The following KHDRBS2 variants were observed in gnomAD, a reference collection of about 807,000 sequenced individuals.
The protein encoded by KHDRBS2 is KH RNA binding domain containing, signal transduction associated 2, also known as KH domain-containing, RNA-binding, signal transduction-associated protein 2.
In KHDRBS2, 26 loss-of-function variants were observed where a neutral mutation model predicts 44.3. The observed-to-expected ratio is 0.59, with a 90% confidence interval of 0.43 to 0.81. The LOEUF (loss-of-function observed/expected upper bound fraction) is 0.81. KHDRBS2 is among the 40% of genes least tolerant of loss of function. The pLI is 0.00. For missense variants in KHDRBS2, 476 were observed against 433.1 expected (o/e 1.10, Z -0.88); for synonymous variants, 194 against 151.1 (o/e 1.28, Z -2.08).
At chr6:61,565,603 T>C in the KHDRBS2 span, among the ~76,000 whole-genome samples, 1 of 151,868 alleles carries the variant, frequency 6.6e-6, no homozygotes, top group African/African-American at 2.4e-5. Context: ...TGCAAATCAA[T>C]CCACAATGAG....
At chr6:62,092,121 T>G (rs1378035229) in intron 2 of KHDRBS2, among the ~76,000 whole-genome samples, 1 of 152,028 alleles carries the variant, frequency 6.6e-6, no homozygotes, top group African/African-American at 2.4e-5. Flanking sequence ...GTCTCCAGTT[T>G]TTTTTTTTAA....
chr6:61,883,926 T>G (rs763356439), intron 6 of KHDRBS2, among the ~76,000 whole-genome samples: 5 of 152,178 alleles, frequency 3.3e-5, no homozygotes, highest in Middle Eastern at 3.4e-3. Context: ...AAAATCTGCT[T>G]TCTTTGGGTA....
At chr6:61,782,726 TATATATATATATAC>T (rs1407705263) in intron 6 of KHDRBS2, among the ~76,000 whole-genome samples, 21 of 100,600 alleles carry the variant, frequency 2.1e-4, no homozygotes, top group African/African-American at 7.0e-4. Flanking sequence ...TATATATATA[TATATATATATATAC>T]ACACACACAT....
At chr6:61,955,037 C>A (rs1412702872) in intron 4 of KHDRBS2, among the ~76,000 whole-genome samples, 1 of 142,930 alleles carries the variant, frequency 7.0e-6, no homozygotes, top group African/African-American at 2.6e-5. Flanking sequence ...TATATACATA[C>A]ATGTATGTAT....
chr6:61,568,174 T>C, the KHDRBS2 span, among the ~76,000 whole-genome samples: 1 of 152,176 alleles, frequency 6.6e-6, no homozygotes, highest in East Asian at 1.9e-4. Context: ...ATTTCTGGGT[T>C]CTCTAATCTG....
Position 61,917,607 on chromosome 6 carries a change from T to C in KHDRBS2, c.484-16236A>G, listed in dbSNP as rs113430868. ...GCCCAAACCCAAAGAATGTACAACA[T>C]TCACAATAAGCCCTAATGTAAACTA... is the stretch of plus-strand genomic sequence containing the variant. On this transcript the variant is annotated intron_variant, in intron 4 of 8. Coordinates refer to ENST00000281156, the MANE Select transcript of KHDRBS2 (RefSeq NM_152688.4). Among the ~76,000 whole-genome samples the C allele has an allele frequency of 1.9e-3, 284 of 152,012 alleles. 1 individual carries two copies. Among genetic ancestry groups the C allele is most frequent in the African/African-American group, 5.7e-3 (235 of 41,514 alleles).
At chr6:61,580,581 G>A in the KHDRBS2 span, among the ~76,000 whole-genome samples, 1 of 152,092 alleles carries the variant, frequency 6.6e-6, no homozygotes, top group African/African-American at 2.4e-5. Flanking sequence ...TAATACTCAG[G>A]GTGAGAGTCT....
intron 2 of KHDRBS2, among the ~76,000 whole-genome samples, chr6:62,117,359 C>T (rs1806510156): frequency 6.6e-6 from 1 of 151,980 alleles, no homozygotes; most frequent in Non-Finnish European, 1.5e-5. Context: ...ATTAATGATG[C>T]TGAGTAATTG....
At chr6:61,757,114 T>G (rs1431790070) in intron 6 of KHDRBS2, among the ~76,000 whole-genome samples, 1 of 152,158 alleles carries the variant, frequency 6.6e-6, no homozygotes, top group African/African-American at 2.4e-5. Context: ...CTGCCCCAAG[T>G]CAACTTGAAA....
chr6:62,107,369 A>G (rs1443262962), intron 2 of KHDRBS2, among the ~76,000 whole-genome samples: 1 of 152,214 alleles, frequency 6.6e-6, no homozygotes, highest in Non-Finnish European at 1.5e-5. Context: ...TAAAATATCT[A>G]GGAATCCAAC....
chr6:61,796,925 A>T (rs186688379), intron 6 of KHDRBS2, among the ~76,000 whole-genome samples: 140 of 152,264 alleles, frequency 9.2e-4, no homozygotes, highest in African/African-American at 3.1e-3. Flanking sequence ...CTGATAGTGC[A>T]CTTGAATTTC....
chr6:61,679,905 T>A (rs1026271785), downstream of KHDRBS2: 8 of 151,926 alleles, frequency 5.3e-5, no homozygotes, highest in African/African-American at 1.9e-4. Context: ...ACGAGAGACA[T>A]GCTAATGCAA....
chr6:61,854,111 G>C (rs1583179227), intron 6 of KHDRBS2, among the ~76,000 whole-genome samples: 1 of 148,222 alleles, frequency 6.7e-6, no homozygotes, highest in East Asian at 2.0e-4. Context: ...ACCATTTCTG[G>C]AACTCTCTAA....
intron 1 of KHDRBS2, among the ~76,000 whole-genome samples, chr6:62,251,703 G>T (rs1000705705): frequency 6.6e-6 from 1 of 151,866 alleles, no homozygotes; most frequent in Non-Finnish European, 1.5e-5. Flanking sequence ...ACAATTGCAG[G>T]TATTAAAACT....
intron 6 of KHDRBS2, among the ~76,000 whole-genome samples, chr6:61,743,748 A>G (rs1199078774): frequency 6.6e-6 from 1 of 151,478 alleles, no homozygotes; most frequent in African/African-American, 2.4e-5. Context: ...GTCATTTAGC[A>G]TTAAGTATAT....
At chr6:61,652,292 G>C in the KHDRBS2 span, 1 of 152,030 alleles carries the variant, frequency 6.6e-6, no homozygotes, top group Non-Finnish European at 1.5e-5. Context: ...ATCCGTAGTG[G>C]TGAGGTGAGT....
chr6:62,251,371 G>T (rs1039588525), intron 1 of KHDRBS2, among the ~76,000 whole-genome samples: 1 of 151,790 alleles, frequency 6.6e-6, no homozygotes, highest in African/African-American at 2.4e-5. Context: ...ATGTAAATTT[G>T]GGTAAAGGGT....
rs974821131 is a variant in KHDRBS2, at chr6:61,680,084, A to G, written c.*879T>C. ...TTAACTTTTAAATTATTTAACAACC[A>G]TAAGTTATTAATACATTTTTAAGTA... On this transcript the variant is annotated 3_prime_UTR_variant, in exon 9 of 9. Transcript: ENST00000281156. 6.6e-6 allele frequency: 1 copy of G among 152,340 alleles called. No individual in the cohort carries two copies. The highest frequency in any genetic ancestry group is 1.5e-5 in the Non-Finnish European group (1 of 67,928). The allele number at this position is 152,340 out of a possible 1,614,324, so 9.4% of individuals were successfully genotyped here.
At chr6:61,914,026 T>A (rs950541312) in intron 4 of KHDRBS2, among the ~76,000 whole-genome samples, 4 of 152,028 alleles carry the variant, frequency 2.6e-5, no homozygotes, top group Non-Finnish European at 2.9e-5. Flanking sequence ...AGATGGACAG[T>A]GAAATAACCA....
Sources: gnomAD v4.1 joint callset for allele counts (sites outside exome capture counted in the v4.1 genomes callset) on GRCh38, gnomAD v4.1.1 for gene constraint, MANE v1.5 for transcripts, NCBI Gene and HGNC (gene_info 2026-07-23, HGNC 2026-07-21) for gene names.